Variants in MCUR1 observed in about 807,000 individuals in gnomAD.
MCUR1 encodes the protein MCU regulator 1.
In MCUR1, 37 loss-of-function variants were observed where a neutral mutation model predicts 42.0. That is an observed-to-expected ratio of 0.88 (90% CI 0.68 to 1.16). The LOEUF (loss-of-function observed/expected upper bound fraction) is 1.16. MCUR1 is among the 50% of genes most tolerant of loss of function. The pLI, the probability that MCUR1 is intolerant of heterozygous loss-of-function variation, is 0.00. For synonymous variants in MCUR1, 229 were observed against 196.2 expected (o/e 1.17, Z -1.40); for missense variants, 469 against 468.4 (o/e 1.00, Z -0.01).
rs1231141881 is a variant in MCUR1, at chr6:13,788,957, A to G, written c.*1852T>C. The G allele has an allele frequency of 1.3e-5, 2 of 152,168 alleles. No homozygotes were observed. The highest frequency in any genetic ancestry group is 4.8e-5 in the African/African-American group (2 of 41,448). 9.4% of individuals were successfully genotyped at this position (152,168 alleles called of 1,614,324 possible). ...CAAAAGGTAACTATTTTTTTTACCA[A>G]TGTGGTTGGAACAGTGACAACGAGC... On this transcript the variant is annotated 3_prime_UTR_variant, in exon 9 of 9. Transcript: ENST00000379170.
At position 13,801,384 on chromosome 6, in the gene MCUR1, G is replaced by T; in HGVS notation, c.645C>A (p.Ile215=). 1.9e-6 allele frequency: 3 copies of T among 1,604,856 alleles called. No homozygotes were observed. Among genetic ancestry groups the T allele is most frequent in the South Asian group, 1.1e-5 (1 of 90,654 alleles). ...TCTGAGACATTACTTGCTGAAAAGT[G>T]ATTTCCTAGGAAAAGAAAAACAAAA... The part of the protein sequence containing the change: ...KDMVTKMQQE[I]TFQQVMSQIA... Residue 215 remains isoleucine, a synonymous_variant, in exon 4 of 9, where the codon ATC becomes ATA. Transcript: ENST00000379170.
rs535165779 is a variant in MCUR1 at position 13,800,371 on chromosome 6, G to T, written c.753C>A (p.Leu251=). The change falls in exon 5 of 9, where the codon CTC becomes CTA. Residue 251 remains leucine, a synonymous_variant. Coordinates refer to ENST00000379170, the MANE Select transcript of MCUR1 (RefSeq NM_001031713.4). Reference sequence around the variant, plus strand: ...CTTGTTGTTTTAACTGATGTAGTTCGAGTTTTATTTTCTAAAAACACATAA... The same window carrying T: ...CTTGTTGTTTTAACTGATGTAGTTCTAGTTTTATTTTCTAAAAACACATAA... The part of the protein sequence containing the change: ...ALRAENEKIK[L]ELHQLKQQVM... 1 of 1,553,978 alleles carries T rather than the reference G, an allele frequency of 6.4e-7. No homozygotes were observed. Among genetic ancestry groups the T allele is most frequent in the Middle Eastern group, 1.7e-4 (1 of 5,920 alleles).
intron 6 of MCUR1, among the ~76,000 whole-genome samples, chr6:13,796,642 GA>G (rs1444687397): frequency 2.0e-5 from 3 of 152,124 alleles, no homozygotes; most frequent in African/African-American, 7.2e-5. Flanking sequence ...AAAATTTCTG[GA>G]AAATTTTTGT....
At chr6:13,800,822 A>G (rs1461006362) in intron 4 of MCUR1, among the ~76,000 whole-genome samples, 1 of 152,242 alleles carries the variant, frequency 6.6e-6, no homozygotes, top group Non-Finnish European at 1.5e-5. Context: ...AGGAAAATGC[A>G]TAGACAGCAC....
At chr6:13,802,795 A>G (rs1449927697) in intron 2 of MCUR1, among the ~76,000 whole-genome samples, 2 of 152,286 alleles carry the variant, frequency 1.3e-5, no homozygotes, top group African/African-American at 4.8e-5. Context: ...CTTTAATTTT[A>G]TAATGTGTAC....
intron 1 of MCUR1, among the ~76,000 whole-genome samples, chr6:13,813,270 T>C (rs1394044548): frequency 6.6e-6 from 1 of 152,198 alleles, no homozygotes; most frequent in Non-Finnish European, 1.5e-5. Flanking sequence ...ATGACTCTAA[T>C]TAAATGCTAC....
chr6:13,810,255 T>A (rs1160170203), intron 1 of MCUR1, among the ~76,000 whole-genome samples: 1 of 152,116 alleles, frequency 6.6e-6, no homozygotes, highest in East Asian at 1.9e-4. Flanking sequence ...TGCCAATTTT[T>A]AATTGTGTCA....
chr6:13,792,968 T>G (rs1486895147), intron 7 of MCUR1, among the ~76,000 whole-genome samples: 1 of 151,686 alleles, frequency 6.6e-6, no homozygotes, highest in Admixed American at 6.6e-5. Context: ...TAAACTTTCT[T>G]AATAAAACTT....
At chr6:13,791,442 G>C (rs895792507) in intron 8 of MCUR1, among the ~76,000 whole-genome samples, 4 of 152,144 alleles carry the variant, frequency 2.6e-5, no homozygotes, top group South Asian at 2.1e-4. Context: ...TAATTTGGGT[G>C]GGGGGTGGTA....
At chr6:13,811,240 T>A (rs1244107108) in intron 1 of MCUR1, among the ~76,000 whole-genome samples, 1 of 152,196 alleles carries the variant, frequency 6.6e-6, no homozygotes, top group African/African-American at 2.4e-5. Context: ...TTTCCTCATC[T>A]GTATCATCTA....
In MCUR1 at chr6:13,787,254, T is replaced by C. The variant is rs1326258062; in HGVS notation, c.*3555A>G. Reference sequence around the variant, plus strand: ...AAGGCAATCCCGACACACAGAGGCATGTTTGTTGCGGCTCAGGGTTTCTGT... The same window carrying C: ...AAGGCAATCCCGACACACAGAGGCACGTTTGTTGCGGCTCAGGGTTTCTGT... On this transcript the variant is annotated 3_prime_UTR_variant, in exon 9 of 9. Transcript: ENST00000379170. The C allele has an allele frequency of 6.6e-6, 1 of 152,196 alleles. No homozygotes were observed. The highest frequency in any genetic ancestry group is 1.5e-5 in the Non-Finnish European group (1 of 68,038). The allele number at this position is 152,196 out of a possible 1,614,324, so 9.4% of individuals were successfully genotyped here. A position where few individuals can be genotyped will look rare whatever the true frequency, so the allele number is the denominator to read the frequency against.
At chr6:13,800,291 T>G (rs1759962193) in intron 5 of MCUR1, 50 bp downstream of exon 5, 8 of 1,217,992 alleles carry the variant, frequency 6.6e-6, no homozygotes, top group Non-Finnish European at 9.3e-6. Flanking sequence ...TACTTATTAA[T>G]AAGTTTATAT....
At chr6:13,801,713 A>G (rs1469886563) in intron 3 of MCUR1, among the ~76,000 whole-genome samples, 6 of 152,094 alleles carry the variant, frequency 3.9e-5, no homozygotes, top group Non-Finnish European at 8.8e-5. Context: ...AGCCAGCTGT[A>G]GCAGTGCACG....
intron 1 of MCUR1, among the ~76,000 whole-genome samples, chr6:13,809,678 G>C (rs1760189331): frequency 6.6e-6 from 1 of 150,736 alleles, no homozygotes; most frequent in African/African-American, 2.4e-5. Flanking sequence ...AAGATCACTT[G>C]AGGCCAGGTA....
At chr6:13,810,450 A>C (rs1760209068) in intron 1 of MCUR1, among the ~76,000 whole-genome samples, 1 of 152,168 alleles carries the variant, frequency 6.6e-6, no homozygotes, top group African/African-American at 2.4e-5. Context: ...AACTGGCACC[A>C]GTCTGAGGTC....
At chr6:13,808,750 C>CA (rs892967108) in intron 1 of MCUR1, among the ~76,000 whole-genome samples, 6 of 152,124 alleles carry the variant, frequency 3.9e-5, no homozygotes, top group Non-Finnish European at 8.8e-5. Flanking sequence ...GTTGTCCCAG[C>CA]ACCATTCCCT....
At position 13,806,966 on chromosome 6, in the gene MCUR1, T is replaced by C. The variant is rs1231217463; in HGVS notation, c.494A>G (p.Tyr165Cys). 6.2e-7 allele frequency: 1 copy of C among 1,613,608 alleles called. No individual in the cohort carries two copies. The highest frequency in any genetic ancestry group is 1.7e-5 in the Admixed American group (1 of 59,992). Residue 165 changes from tyrosine to cysteine, a missense_variant, in exon 2 of 9, where the codon TAC (tyrosine) becomes TGC (cysteine). Physicochemically the swap from Tyr to Cys is radical, Grantham distance 194. Coordinates refer to ENST00000379170, the MANE Select transcript of MCUR1 (RefSeq NM_001031713.4). ...DFTSSGSRKL[Y>C]FDTHALVCLL... ...GCACACTAAGGCATGAGTGTCGAAG[T>C]AGAGTTTCCTGCTCCCAGAAGAGGT...
Position 13,788,787 on chromosome 6 carries a change from A to G in MCUR1, c.*2022T>C, listed in dbSNP as rs1246007802. On this transcript the variant is annotated 3_prime_UTR_variant, in exon 9 of 9. Transcript: ENST00000379170. ...TCTACTTGAAAAAGATTAAATTATA[A>G]TATTTCACTTTGAAACTGCTATTGC... The G allele has an allele frequency of 1.3e-5, 2 of 152,206 alleles. No homozygotes were observed. Among genetic ancestry groups the G allele is most frequent in the Non-Finnish European group, 2.9e-5 (2 of 68,042 alleles). 9.4% of individuals were successfully genotyped at this position (152,206 alleles called of 1,614,324 possible). A position where few individuals can be genotyped will look rare whatever the true frequency, so the allele number is the denominator to read the frequency against.
At chr6:13,795,483 G>T (rs1397632300) in intron 6 of MCUR1, among the ~76,000 whole-genome samples, 1 of 152,132 alleles carries the variant, frequency 6.6e-6, no homozygotes, top group Non-Finnish European at 1.5e-5. Context: ...TAGTTAATTT[G>T]CAATTTAATA....
Sources: gnomAD v4.1 joint callset for allele counts (sites outside exome capture counted in the v4.1 genomes callset) on GRCh38, gnomAD v4.1.1 for gene constraint, MANE v1.5 for transcripts, NCBI Gene and HGNC (gene_info 2026-07-23, HGNC 2026-07-21) for gene names.